DEPDC1B: variants seen among roughly 807,000 people sequenced by gnomAD.
The protein encoded by DEPDC1B is DEP domain containing 1B, also known as DEP domain-containing protein 1B.
A neutral mutation model predicts 66.5 loss-of-function variants in DEPDC1B; 51 were observed. That is an observed-to-expected ratio of 0.77 (90% CI 0.61 to 0.97). The LOEUF (loss-of-function observed/expected upper bound fraction) is 0.97. Ranked by LOEUF, DEPDC1B falls within the 50% of genes least tolerant of loss-of-function variation. The pLI, the probability that DEPDC1B is intolerant of heterozygous loss-of-function variation, is 0.00. For synonymous variants in DEPDC1B, 226 were observed against 223.6 expected (o/e 1.01, Z -0.10); for missense variants, 552 against 637.1 (o/e 0.87, Z 1.44).
At chr5:60,614,540 C>T (rs752500487) in intron 7 of DEPDC1B, among the ~76,000 whole-genome samples, 1 of 152,108 alleles carries the variant, frequency 6.6e-6, no homozygotes, top group Non-Finnish European at 1.5e-5. Flanking sequence ...TTCTAAGCCC[C>T]TGCTTAATCT....
intron 2 of DEPDC1B, among the ~76,000 whole-genome samples, chr5:60,685,898 T>A (rs1212333915): frequency 6.6e-6 from 1 of 152,172 alleles, no homozygotes; most frequent in Non-Finnish European, 1.5e-5. Flanking sequence ...ACGCCAAAAC[T>A]AACCACCAAG....
intron 7 of DEPDC1B, among the ~76,000 whole-genome samples, chr5:60,613,826 G>GTA (rs141005597): frequency 0.014 from 1,328 of 92,236 alleles, 22 homozygotes; most frequent in African/African-American, 0.031. Context: ...GTGTGTGTGT[G>GTA]TGTATACATA....
chr5:60,656,462 C>G (rs1309823013), intron 2 of DEPDC1B, among the ~76,000 whole-genome samples: 1 of 152,060 alleles, frequency 6.6e-6, no homozygotes, highest in African/African-American at 2.4e-5. Flanking sequence ...TCCATTGTTT[C>G]TTTGTAGATT....
intron 2 of DEPDC1B, among the ~76,000 whole-genome samples, chr5:60,656,830 C>A (rs1369018259): frequency 6.6e-6 from 1 of 152,164 alleles, no homozygotes; most frequent in African/African-American, 2.4e-5. Context: ...TCCCTCAACA[C>A]ATGGGGATTG....
intron 7 of DEPDC1B, among the ~76,000 whole-genome samples, chr5:60,609,901 T>C (rs1752381020): frequency 6.6e-6 from 1 of 152,216 alleles, no homozygotes; most frequent in African/African-American, 2.4e-5. Flanking sequence ...AAAATTGGTA[T>C]GCCCAATTCC....
chr5:60,624,714 C>T (rs887618646), intron 7 of DEPDC1B, among the ~76,000 whole-genome samples: 3 of 152,118 alleles, frequency 2.0e-5, no homozygotes, highest in African/African-American at 7.2e-5. Context: ...TCACCCTTGA[C>T]ATACATGTTA....
At chr5:60,647,249 A>T in intron 3 of DEPDC1B, 149 bp downstream of exon 3, 1 of 880,290 alleles carries the variant, frequency 1.1e-6, no homozygotes, top group Non-Finnish European at 1.6e-6. Context: ...TTTCCTTGTT[A>T]CTGGTCTCCC....
At chr5:60,605,970 A>G in intron 7 of DEPDC1B, 114 bp from the exon 8 acceptor site, 2 of 899,136 alleles carry the variant, frequency 2.2e-6, no homozygotes, top group South Asian at 4.2e-5. Flanking sequence ...ATTTTCACAT[A>G]TTCAACTATA....
At chr5:60,693,979 C>T (rs892453024) in intron 1 of DEPDC1B, among the ~76,000 whole-genome samples, 4 of 152,128 alleles carry the variant, frequency 2.6e-5, no homozygotes, top group Admixed American at 1.3e-4. Context: ...GAAGGCATGG[C>T]TCTCTGGGAC....
At chr5:60,659,928 G>C (rs1470943600) in intron 2 of DEPDC1B, among the ~76,000 whole-genome samples, 4 of 152,124 alleles carry the variant, frequency 2.6e-5, no homozygotes, top group Non-Finnish European at 5.9e-5. Flanking sequence ...CTTGACATGG[G>C]CAGTTATGTG....
At chr5:60,615,514 C>T (rs147425746) in intron 7 of DEPDC1B, among the ~76,000 whole-genome samples, 2 of 152,200 alleles carry the variant, frequency 1.3e-5, no homozygotes, top group South Asian at 2.1e-4. Context: ...GTGCCTGGCT[C>T]GGAGGGTCCT....
chr5:60,687,760 A>G, intron 1 of DEPDC1B: 1 of 195,464 alleles, frequency 5.1e-6, no homozygotes, highest in Non-Finnish European at 1.1e-5. Context: ...TCTTGATCTC[A>G]AGTGATCCAG....
intron 2 of DEPDC1B, among the ~76,000 whole-genome samples, chr5:60,655,829 T>C (rs1294216383): frequency 6.7e-6 from 1 of 149,090 alleles, no homozygotes; most frequent in Admixed American, 6.6e-5. Context: ...ACTACCATAG[T>C]TCAGTTCAAA....
At chr5:60,620,421 A>G (rs1300187372) in intron 7 of DEPDC1B, among the ~76,000 whole-genome samples, 1 of 152,224 alleles carries the variant, frequency 6.6e-6, no homozygotes, top group African/African-American at 2.4e-5. Context: ...AGAATCTACA[A>G]TGAACTCGAA....
chr5:60,618,276 A>ATAG (rs971797439), intron 7 of DEPDC1B, among the ~76,000 whole-genome samples: 1 of 152,226 alleles, frequency 6.6e-6, no homozygotes, highest in African/African-American at 2.4e-5. Flanking sequence ...AAGGCAAGAA[A>ATAG]TAACTAAGAT....
chr5:60,597,644 GT>G lies in DEPDC1B; in HGVS notation c.*108del. Reference sequence around the variant, plus strand: ...GGCAATCTTTATCTATATTTCAGTAGTCTTTGTTTTATGCTTTTCTTTCTTC... The same window carrying G: ...GGCAATCTTTATCTATATTTCAGTAGCTTTGTTTTATGCTTTTCTTTCTTC... On this transcript the variant is annotated 3_prime_UTR_variant, in exon 11 of 11. Coordinates refer to ENST00000265036, the MANE Select transcript of DEPDC1B (RefSeq NM_018369.3). 8.2e-7 allele frequency: 1 copy of G among 1,225,512 alleles called. No homozygotes were observed. The highest frequency in any genetic ancestry group is 1.1e-6 in the Non-Finnish European group (1 of 875,166). The allele number at this position is 1,225,512 out of a possible 1,614,324, so 75.9% of individuals were successfully genotyped here. A position where few individuals can be genotyped will look rare whatever the true frequency, so the allele number is the denominator to read the frequency against.
chr5:60,656,246 C>T (rs772514812), intron 2 of DEPDC1B, among the ~76,000 whole-genome samples: 7 of 151,354 alleles, frequency 4.6e-5, no homozygotes, highest in East Asian at 1.9e-4. Flanking sequence ...CTACAAGCTC[C>T]GCCTCCTGGG....
rs1452781606 is a variant in DEPDC1B at position 60,608,130 on chromosome 5, G to A, written c.899-2274C>T. 3.3e-5 allele frequency among the ~76,000 whole-genome samples: 5 copies of A among 152,288 alleles called. No homozygotes were observed. In the East Asian group the frequency reaches 9.6e-4, roughly 29 times the overall value. On this transcript the variant is annotated intron_variant, in intron 7 of 10. Coordinates refer to ENST00000265036, the MANE Select transcript of DEPDC1B (RefSeq NM_018369.3). ...AAAGGAAGACACACAGTATGCTGAT[G>A]GTCTGAATGGGGACGTAGCGGTTGA...
chr5:60,641,601 C>T (rs1198064492), intron 6 of DEPDC1B, among the ~76,000 whole-genome samples: 1 of 152,154 alleles, frequency 6.6e-6, no homozygotes, highest in Non-Finnish European at 1.5e-5. Flanking sequence ...GCCGGGATTA[C>T]AGGCGTGAGC....
Sources: gnomAD v4.1 joint callset for allele counts (sites outside exome capture counted in the v4.1 genomes callset) on GRCh38, gnomAD v4.1.1 for gene constraint, MANE v1.5 for transcripts, NCBI Gene and HGNC (gene_info 2026-07-23, HGNC 2026-07-21) for gene names.